The following THSD4 variants were observed in gnomAD, a reference collection of about 807,000 sequenced individuals.
The protein encoded by THSD4 is thrombospondin type-1 domain-containing protein 4.
A neutral mutation model predicts 119.0 loss-of-function variants in THSD4; 69 were observed. That is an observed-to-expected ratio of 0.58 (90% CI 0.48 to 0.71). The LOEUF is 0.71. Among genes scored for constraint, THSD4 ranks in the 30% least tolerant of loss-of-function variants. THSD4 has a pLI of 0.00. For synonymous variants in THSD4, 524 were observed against 540.4 expected, an observed-to-expected ratio of 0.97 and a Z score of 0.42; for missense variants, 1,393 against 1,391.1, an observed-to-expected ratio of 1.00 and a Z score of -0.02.
At chr15:71,616,490 G>A in intron 7 of THSD4, among the ~76,000 whole-genome samples, 1 of 152,204 alleles carries the variant, frequency 6.6e-6, no homozygotes, top group East Asian at 1.9e-4. Flanking sequence ...TTGAGAAAGA[G>A]ATGGCATGAT....
intron 7 of THSD4, among the ~76,000 whole-genome samples, chr15:71,601,726 C>T (rs2140893516): frequency 6.6e-6 from 1 of 152,314 alleles, no homozygotes; most frequent in Non-Finnish European, 1.5e-5. Context: ...TTTATTGCTT[C>T]AGCGTCATCT....
chr15:71,658,961 G>A (rs973632641), intron 7 of THSD4, among the ~76,000 whole-genome samples: 2 of 152,152 alleles, frequency 1.3e-5, no homozygotes, highest in Non-Finnish European at 2.9e-5. Flanking sequence ...GAAGGAATGG[G>A]CACCTTTTGA....
Position 71,745,194 on chromosome 15 carries a change from C to T in THSD4, c.1995C>T (p.Thr665=). The T allele has an allele frequency of 1.2e-6, 2 of 1,613,460 alleles. No individual in the cohort carries two copies. Among genetic ancestry groups the T allele is most frequent in the Non-Finnish European group, 1.7e-6 (2 of 1,180,008 alleles). The change falls in exon 12 of 18, where the codon ACC becomes ACT. Residue 665 remains threonine, a synonymous_variant. Transcript: ENST00000261862. ...ESYCDSSMKP[T]PEEEPCNIFP... ...ACTGTGACTCCAGCATGAAGCCGAC[C>T]CCCGAGGAGGAGCCCTGCAACATCT...
intron 6 of THSD4, among the ~76,000 whole-genome samples, chr15:71,400,386 T>G (rs1340148833): frequency 6.6e-6 from 1 of 152,230 alleles, no homozygotes; most frequent in Non-Finnish European, 1.5e-5. Context: ...GCCTGAGCTC[T>G]GAGAATCATT....
intron 7 of THSD4, among the ~76,000 whole-genome samples, chr15:71,629,869 T>G (rs1875415): frequency 0.29 from 43,605 of 152,144 alleles, 6,599 homozygotes; most frequent in East Asian, 0.5. Context: ...GCCTATTTCC[T>G]CGGGTTACTC....
chr15:71,519,904 G>A (rs1346076045), intron 7 of THSD4, among the ~76,000 whole-genome samples: 1 of 152,152 alleles, frequency 6.6e-6, no homozygotes, highest in Non-Finnish European at 1.5e-5. Context: ...GGTCCAGGGA[G>A]TAGGCAAAAA....
At chr15:71,172,709 A>G (rs1188716747) in intron 3 of THSD4, among the ~76,000 whole-genome samples, 7 of 113,576 alleles carry the variant, frequency 6.2e-5, no homozygotes, top group Non-Finnish European at 8.7e-5. Flanking sequence ...ATATATATAT[A>G]TATATATATA....
intron 7 of THSD4, among the ~76,000 whole-genome samples, chr15:71,645,963 G>T: frequency 6.6e-6 from 1 of 152,178 alleles, no homozygotes; most frequent in East Asian, 1.9e-4. Flanking sequence ...GCACCTTTCA[G>T]TGGGTGCTCT....
At chr15:71,442,767 G>A (rs1362871447) in intron 7 of THSD4, among the ~76,000 whole-genome samples, 2 of 143,280 alleles carry the variant, frequency 1.4e-5, no homozygotes, top group Non-Finnish European at 3.0e-5. Flanking sequence ...ACATGACTCT[G>A]CTTCCTCTTT....
intron 6 of THSD4, among the ~76,000 whole-genome samples, chr15:71,313,572 A>C (rs2045142202): frequency 6.6e-6 from 1 of 152,230 alleles, no homozygotes; most frequent in African/African-American, 2.4e-5. Flanking sequence ...TAGGTGCAGC[A>C]AACCACCATG....
At chr15:71,561,253 C>T (rs1055255009) in intron 7 of THSD4, among the ~76,000 whole-genome samples, 4 of 152,096 alleles carry the variant, frequency 2.6e-5, no homozygotes, top group Non-Finnish European at 4.4e-5. Flanking sequence ...GGATTACAGG[C>T]GTGAGCCACC....
At chr15:71,268,702 AATAG>A (rs1490664640) in intron 6 of THSD4, among the ~76,000 whole-genome samples, 1 of 151,996 alleles carries the variant, frequency 6.6e-6, no homozygotes, top group Admixed American at 6.5e-5. Flanking sequence ...AGATTAGCAA[AATAG>A]ATAGACAGCT....
chr15:71,313,515 ACACAC>A (rs1567192070), intron 6 of THSD4, among the ~76,000 whole-genome samples: 1 of 152,182 alleles, frequency 6.6e-6, no homozygotes, highest in East Asian at 1.9e-4. Context: ...GAGCATTAGG[ACACAC>A]AGCTAATGCA....
chr15:71,285,329 A>G (rs2140318427), intron 6 of THSD4, among the ~76,000 whole-genome samples: 1 of 152,274 alleles, frequency 6.6e-6, no homozygotes, highest in South Asian at 2.1e-4. Context: ...GTGTCTGTTG[A>G]GTAGTTTAAA....
intron 6 of THSD4, among the ~76,000 whole-genome samples, chr15:71,378,739 A>G (rs1192964611): frequency 6.6e-6 from 1 of 152,140 alleles, no homozygotes; most frequent in East Asian, 1.9e-4. Context: ...TAATAAACCT[A>G]ATTCTTTCTT....
intron 4 of THSD4, among the ~76,000 whole-genome samples, chr15:71,236,073 T>A (rs550165964): frequency 1.3e-5 from 2 of 152,300 alleles, no homozygotes; most frequent in African/African-American, 4.8e-5. Flanking sequence ...CCGGGGCTGC[T>A]GCTCTGTGGG....
chr15:71,484,148 C>T (rs1595813297), intron 7 of THSD4, among the ~76,000 whole-genome samples: 1 of 152,148 alleles, frequency 6.6e-6, no homozygotes, highest in Non-Finnish European at 1.5e-5. Context: ...GAGATACTGC[C>T]GTCTGGAACG....
intron 8 of THSD4, among the ~76,000 whole-genome samples, chr15:71,717,657 C>T (rs1436971913): frequency 6.6e-6 from 1 of 150,834 alleles, no homozygotes; most frequent in Non-Finnish European, 1.5e-5. Context: ...AGGGCATAGA[C>T]ACTAAGATTA....
chr15:71,224,831 G>GTAGGAGGGTAAGAGTCAGAGA (rs2044001892), intron 4 of THSD4, among the ~76,000 whole-genome samples: 1 of 152,060 alleles, frequency 6.6e-6, no homozygotes, highest in African/African-American at 2.4e-5. Flanking sequence ...TTATAAGGAG[G>GTAGGAGGGTAAGAGTCAGAGA]ACCCTTGTGA....
Sources: allele counts gnomAD v4.1 joint callset (sites outside exome capture counted in the v4.1 genomes callset), GRCh38; gene constraint gnomAD v4.1.1; transcripts MANE v1.5; gene names NCBI Gene and HGNC (gene_info 2026-07-23, HGNC 2026-07-21).